IRF2: variants seen among roughly 807,000 people sequenced by gnomAD.
IRF2 encodes the protein interferon regulatory factor 2.
In IRF2, 15 loss-of-function variants were observed where a neutral mutation model predicts 40.6. The ratio of observed to expected loss-of-function variants is 0.37; its 90% CI spans 0.25 to 0.57. IRF2 has a LOEUF of 0.57. Among genes scored for constraint, IRF2 ranks in the 20% least tolerant of loss-of-function variants. The probability of loss-of-function intolerance (pLI) is 0.77; values close to 1 mark genes in which losing one functional copy is unlikely to be tolerated. For synonymous variants in IRF2, 151 were observed against 165.5 expected (o/e 0.91, Z 0.67); for missense variants, 317 against 455.7 (o/e 0.70, Z 2.77).
intron 1 of IRF2, among the ~76,000 whole-genome samples, chr4:184,445,655 A>T (rs868580953): frequency 0.062 from 2,941 of 47,580 alleles, 114 homozygotes; most frequent in African/African-American, 0.096. Context: ...ACTCCATCAC[A>T]AAAAAAAAAA....
chr4:184,463,658 A>T (rs12331757), intron 1 of IRF2, among the ~76,000 whole-genome samples: 29,932 of 147,880 alleles, frequency 0.2, 3,369 homozygotes, highest in South Asian at 0.32. Flanking sequence ...ATATATATAT[A>T]TTTTTTTTTT....
rs1194982958 is a variant in IRF2, at chr4:184,408,632, G to A, written c.412-357C>T. Among the ~76,000 whole-genome samples, 1 of 152,182 alleles carries A rather than the reference G, an allele frequency of 6.6e-6. No homozygotes were observed. The highest frequency in any genetic ancestry group is 1.5e-5 in the Non-Finnish European group (1 of 68,034). Reference sequence around the variant, plus strand: ...GGATTCTACACTCTCCTCCTCTGAGGGGGTGCTCAAAAGAATCAATGCCTG... The same window carrying A: ...GGATTCTACACTCTCCTCCTCTGAGAGGGTGCTCAAAAGAATCAATGCCTG... On this transcript the variant is annotated intron_variant, in intron 5 of 8. Coordinates refer to ENST00000393593, the MANE Select transcript of IRF2 (RefSeq NM_002199.4). This position sits in a 1 kb window ranked among gnomAD's most constrained non-coding sequence, Gnocchi z 4.9.
At chr4:184,412,025 A>AG (rs1561094246) in intron 5 of IRF2, among the ~76,000 whole-genome samples, 8 of 148,696 alleles carry the variant, frequency 5.4e-5, no homozygotes, top group East Asian at 3.9e-4. Flanking sequence ...AAAAAAAAAA[A>AG]AAAAGACTCT....
rs1369980113 is a variant in IRF2, at chr4:184,470,990, A to G, written c.-7+3389T>C. ...CACTGTGAAATTTTTTTGATACTTT[A>G]TATAAAAGTTATTCCATGTTTAATC... is the stretch of plus-strand genomic sequence containing the variant. On this transcript the variant is annotated intron_variant, in intron 1 of 8. Coordinates refer to ENST00000393593, the MANE Select transcript of IRF2 (RefSeq NM_002199.4). 2.8e-5 allele frequency among the ~76,000 whole-genome samples: 4 copies of G among 141,116 alleles called. No individual in the cohort carries two copies. In the East Asian group the frequency reaches 7.9e-4, roughly 28 times the overall value. The allele number at this position is 141,116 out of a possible 152,430, so 92.6% of individuals were successfully genotyped here.
intron 5 of IRF2, among the ~76,000 whole-genome samples, chr4:184,411,081 G>T (rs62337747): frequency 0.1 from 15,053 of 145,328 alleles, 958 homozygotes; most frequent in Non-Finnish European, 0.14. Flanking sequence ...TTTTTGACAT[G>T]GGGTGTCACA....
chr4:184,418,429 G>T, intron 4 of IRF2, 103 bp downstream of exon 4: 1 of 1,139,454 alleles, frequency 8.8e-7, no homozygotes, highest in Non-Finnish European at 1.3e-6. Context: ...GCATGAACAG[G>T]CTATTCTACC....
intron 1 of IRF2, among the ~76,000 whole-genome samples, chr4:184,439,298 A>AAAGTTTT (rs1475772720): frequency 7.3e-6 from 1 of 137,166 alleles, no homozygotes. Flanking sequence ...TTGCAATGCT[A>AAAGTTTT]TTACCTTAAA....
intron 8 of IRF2, among the ~76,000 whole-genome samples, chr4:184,389,323 C>T (rs144160714): frequency 8.3e-4 from 127 of 152,204 alleles, no homozygotes; most frequent in African/African-American, 2.8e-3. Flanking sequence ...GAGGCTGAGG[C>T]GGGAGGATCA....
At chr4:184,407,380 G>A (rs1478479851) in intron 6 of IRF2, 1 of 486,922 alleles carries the variant, frequency 2.1e-6, no homozygotes, top group Middle Eastern at 3.5e-4. Context: ...TGTGCATCTG[G>A]CCATACAGGA....
chr4:184,441,735 T>C (rs1738318703), intron 1 of IRF2, among the ~76,000 whole-genome samples: 1 of 152,158 alleles, frequency 6.6e-6, no homozygotes, highest in Non-Finnish European at 1.5e-5. Flanking sequence ...CGCTTAGCAG[T>C]GTTAGGCAAG....
chr4:184,419,630 CA>C, intron 2 of IRF2, 62 bp from the exon 3 acceptor site: 1 of 1,173,350 alleles, frequency 8.5e-7, no homozygotes, highest in Non-Finnish European at 1.2e-6. Context: ...CCCACCATTG[CA>C]AAAGGTTGTG....
chr4:184,433,921 C>G (rs1737982847), intron 1 of IRF2, among the ~76,000 whole-genome samples: 1 of 152,206 alleles, frequency 6.6e-6, no homozygotes, highest in Non-Finnish European at 1.5e-5. Context: ...AAGGCAGAAT[C>G]TACCTCAAGC....
intron 2 of IRF2, among the ~76,000 whole-genome samples, chr4:184,425,090 A>G (rs1384089284): frequency 1.3e-5 from 2 of 152,236 alleles, no homozygotes; most frequent in African/African-American, 4.8e-5. Flanking sequence ...CACAATAAAC[A>G]TGAACACATC....
chr4:184,471,985 ACT>A (rs2149921813), intron 1 of IRF2: 1 of 152,336 alleles, frequency 6.6e-6, no homozygotes, highest in Admixed American at 6.5e-5. Context: ...ACAGACAAGA[ACT>A]CTTGGATCTA....
At chr4:184,395,311 G>T (rs1449780376) in intron 7 of IRF2, among the ~76,000 whole-genome samples, 5 of 151,274 alleles carry the variant, frequency 3.3e-5, no homozygotes, top group Admixed American at 3.3e-4. Flanking sequence ...TACTCGGGAG[G>T]CTGAGGCAGG....
chr4:184,452,770 C>CAAAAAAAAAAAAAAAAAAAAAAAAAAAA, intron 1 of IRF2, among the ~76,000 whole-genome samples: 1 of 53,828 alleles, frequency 1.9e-5, no homozygotes, highest in Non-Finnish European at 3.1e-5. Flanking sequence ...GACCCTGTCT[C>CAAAAAAAAAAAAAAAAAAAAAAAAAAAA]AAAAAAAAAA....
chr4:184,433,481 G>A (rs1737965759), intron 1 of IRF2, among the ~76,000 whole-genome samples: 1 of 152,216 alleles, frequency 6.6e-6, no homozygotes, highest in South Asian at 2.1e-4. Flanking sequence ...TGCCTGTCTA[G>A]TAAGGATGCA....
chr4:184,469,748 T>C (rs1739452833), intron 1 of IRF2, among the ~76,000 whole-genome samples: 1 of 152,144 alleles, frequency 6.6e-6, no homozygotes, highest in African/African-American at 2.4e-5. Flanking sequence ...TGTCATAAGA[T>C]GGAGCTTCTG....
chr4:184,444,569 C>T (rs937642632), intron 1 of IRF2, among the ~76,000 whole-genome samples: 11 of 152,326 alleles, frequency 7.2e-5, no homozygotes, highest in African/African-American at 2.4e-4. Flanking sequence ...TTATGGTCAA[C>T]ATTGTTCAAA....
Sources: gnomAD v4.1 joint callset for allele counts (sites outside exome capture counted in the v4.1 genomes callset) on GRCh38, gnomAD v4.1.1 for gene constraint, Gnocchi (gnomAD v3.1) non-coding constraint, MANE v1.5 for transcripts, NCBI Gene and HGNC (gene_info 2026-07-23, HGNC 2026-07-21) for gene names.